CDCA7L: variants seen among roughly 807,000 people sequenced by gnomAD.
CDCA7L encodes the protein cell division cycle associated 7 like, also known as cell division cycle-associated 7-like protein.
In CDCA7L, 44 loss-of-function variants were observed where a neutral mutation model predicts 57.4. The ratio of observed to expected loss-of-function variants is 0.77; its 90% CI spans 0.60 to 0.98. CDCA7L has a LOEUF of 0.98. Among genes scored for constraint, CDCA7L ranks in the 50% least tolerant of loss-of-function variants. The probability of loss-of-function intolerance (pLI) is 0.00; values close to 1 mark genes in which losing one functional copy is unlikely to be tolerated. For synonymous variants in CDCA7L, 236 were observed against 202.8 expected (o/e 1.16, Z -1.39); for missense variants, 644 against 580.6 (o/e 1.11, Z -1.12).
chr7:21,939,125 C>T (rs9638794), intron 1 of CDCA7L, among the ~76,000 whole-genome samples: 22,490 of 152,106 alleles, frequency 0.15, 1,808 homozygotes, highest in East Asian at 0.32. Flanking sequence ...TGATTCCACT[C>T]ATATGAGATA....
chr7:21,908,934 A>C (rs1214475034), intron 3 of CDCA7L, among the ~76,000 whole-genome samples: 1 of 152,192 alleles, frequency 6.6e-6, no homozygotes, highest in East Asian at 1.9e-4. Context: ...GTCTCCTCTA[A>C]ATAGCAGGAA....
intron 1 of CDCA7L, among the ~76,000 whole-genome samples, chr7:21,934,820 A>G (rs2128069015): frequency 6.6e-6 from 1 of 152,322 alleles, no homozygotes; most frequent in Non-Finnish European, 1.5e-5. Context: ...TGAAAGACAA[A>G]GACATTACAG....
At chr7:21,941,682 G>A (rs1786344175) in intron 1 of CDCA7L, among the ~76,000 whole-genome samples, 1 of 152,160 alleles carries the variant, frequency 6.6e-6, no homozygotes, top group African/African-American at 2.4e-5. Flanking sequence ...CAAGTTTCCT[G>A]ACTCACCAAG....
In CDCA7L at chr7:21,940,590, C is replaced by G. The variant is rs185283791; in HGVS notation, c.24+5191G>C. Among the ~76,000 whole-genome samples the G allele has an allele frequency of 2.0e-3, 298 of 152,254 alleles. 1 individual carries two copies. The highest frequency in any genetic ancestry group is 3.5e-3 in the Non-Finnish European group (238 of 68,004). ...GTCAGCCCAGGTACTCCAGAAGTTC[C>G]CAGGGCGAGCACCTGAGCCAGCGGT... On this transcript the variant is annotated intron_variant, in intron 1 of 9. Coordinates refer to ENST00000406877, the MANE Select transcript of CDCA7L (RefSeq NM_018719.5).
intron 4 of CDCA7L, 62 bp from the exon 5 acceptor site, chr7:21,906,701 A>G: frequency 6.7e-7 from 1 of 1,500,924 alleles, no homozygotes; most frequent in Non-Finnish European, 9.3e-7. Context: ...AGGTCATCCA[A>G]CACCTATCTC....
At position 21,911,740 on chromosome 7, in the gene CDCA7L, A is replaced by G. The variant is rs1474097665; in HGVS notation, c.180T>C (p.Phe60=). 1.2e-6 allele frequency: 2 copies of G among 1,612,694 alleles called. No individual in the cohort carries two copies. The highest frequency in any genetic ancestry group is 3.3e-5 in the Admixed American group (2 of 59,708). The change falls in exon 3 of 10, where the codon TTT becomes TTC. Residue 60 remains phenylalanine (F), a synonymous_variant. Coordinates refer to ENST00000406877, the MANE Select transcript of CDCA7L (RefSeq NM_018719.5). The part of the protein sequence containing the change: ...LESGKQQDVR[F]HSKYFTEELR... ...GCTCTTCTGTGAAGTATTTGGAATGAAAGCGCACATCCTGCTAAATTAAAG... is the reference window on the plus strand; with the variant it reads ...GCTCTTCTGTGAAGTATTTGGAATGGAAGCGCACATCCTGCTAAATTAAAG...
chr7:21,917,016 C>A (rs1411437217), intron 1 of CDCA7L, 122 bp from the exon 2 acceptor site: 2 of 1,049,046 alleles, frequency 1.9e-6, no homozygotes, highest in Admixed American at 4.0e-5. Context: ...GCCCAGAAGT[C>A]CCCAGTAACC....
chr7:21,901,249 G>GCGTAAGGTAACACTGGCATTCCT lies in CDCA7L; in HGVS notation c.*1050_*1072dup. ...GGCTGGAGTGGCTCTGCTTCTAGAA[G>GCGTAAGGTAACACTGGCATTCCT]CGTAAGGTAACACTGGCATTCCTCT... is the stretch of plus-strand genomic sequence containing the variant. On this transcript the variant is annotated 3_prime_UTR_variant, in exon 10 of 10. Coordinates refer to ENST00000406877, the MANE Select transcript of CDCA7L (RefSeq NM_018719.5). 1 of 1,603,044 alleles carries GCGTAAGGTAACACTGGCATTCCT rather than the reference G, an allele frequency of 6.2e-7. No individual in the cohort carries two copies.
chr7:21,936,849 A>G (rs1238072518), intron 1 of CDCA7L, among the ~76,000 whole-genome samples: 2 of 152,212 alleles, frequency 1.3e-5, no homozygotes, highest in Admixed American at 6.5e-5. Flanking sequence ...TAACGCATCC[A>G]AATTGGAAAG....
At chr7:21,912,165 GGT>G (rs1430058831) in intron 2 of CDCA7L, among the ~76,000 whole-genome samples, 1 of 152,082 alleles carries the variant, frequency 6.6e-6, no homozygotes, top group Non-Finnish European at 1.5e-5. Flanking sequence ...GGGAGGCTAA[GGT>G]GGGAGGATTA....
At chr7:21,932,714 G>A (rs1477202564) in intron 1 of CDCA7L, among the ~76,000 whole-genome samples, 1 of 152,112 alleles carries the variant, frequency 6.6e-6, no homozygotes, top group East Asian at 1.9e-4. Context: ...AAAAAACCTA[G>A]GCAATACCAT....
chr7:21,922,495 T>C lies in CDCA7L; in HGVS notation c.25-5601A>G, dbSNP rs113153194. 3.3e-3 allele frequency among the ~76,000 whole-genome samples: 503 copies of C among 152,284 alleles called. 4 individuals carry two copies. The highest frequency in any genetic ancestry group is 0.011 in the African/African-American group (445 of 41,562). ...AACATTCCCAGAGAACCTGAGAATC[T>C]GAGTGTTGGTAAGAAACTTCCCATC... On this transcript the variant is annotated intron_variant, in intron 1 of 9. Coordinates refer to ENST00000406877, the MANE Select transcript of CDCA7L (RefSeq NM_018719.5).
At chr7:21,906,698 C>A in intron 4 of CDCA7L, 59 bp from the exon 5 acceptor site, 6 of 1,511,654 alleles carry the variant, frequency 4.0e-6, no homozygotes, top group Non-Finnish European at 5.5e-6. Context: ...TTTAGGTCAT[C>A]CAACACCTAT....
chr7:21,937,796 T>C (rs1361576474), intron 1 of CDCA7L, among the ~76,000 whole-genome samples: 9 of 152,186 alleles, frequency 5.9e-5, no homozygotes, highest in Admixed American at 5.2e-4. Context: ...ATACAAACCC[T>C]TGCATATACA....
chr7:21,930,882 G>T (rs113252384), intron 1 of CDCA7L, among the ~76,000 whole-genome samples: 1,627 of 151,770 alleles, frequency 0.011, 22 homozygotes, highest in African/African-American at 0.037. Flanking sequence ...AAAATAGACC[G>T]CTAGCCAGAC....
At chr7:21,907,369 A>G (rs372324628) in intron 4 of CDCA7L, among the ~76,000 whole-genome samples, 11 of 152,204 alleles carry the variant, frequency 7.2e-5, no homozygotes, top group African/African-American at 2.2e-4. Flanking sequence ...TATTAGACAT[A>G]TAAGCTTGCA....
rs866666863 is a variant in CDCA7L, at chr7:21,906,301, C to T, written c.909G>A (p.Arg303=). 6.3e-7 allele frequency: 1 copy of T among 1,595,956 alleles called. No individual in the cohort carries two copies. The highest frequency in any genetic ancestry group is 8.5e-7 in the Non-Finnish European group (1 of 1,172,488). ...AGTCAGAAAATACCCCAATTGTCTT[C>T]CTTCTTCGGAAGCTGTAAAACTCTT... ...FAEEFYSFRR[R]KTIGGKCREY... Residue 303 remains arginine (R), a synonymous_variant, in exon 6 of 10, where the codon AGG becomes AGA. Coordinates refer to ENST00000406877, the MANE Select transcript of CDCA7L (RefSeq NM_018719.5).
At chr7:21,907,422 T>C (rs191305130) in intron 4 of CDCA7L, among the ~76,000 whole-genome samples, 93 of 152,044 alleles carry the variant, frequency 6.1e-4, no homozygotes, top group African/African-American at 2.0e-3. Flanking sequence ...AAGGAAAAGA[T>C]TAAAAAATTA....
At position 21,901,474 on chromosome 7, in the gene CDCA7L, T is replaced by TAGGAGAATC. The variant is rs1473248022; in HGVS notation, c.*839_*847dup. ...ACTGTAATCCCAGTTACTCAGGAGG[T>TAGGAGAATC]AGGAGAATCACTTGAACCTAGGAGG... On this transcript the variant is annotated 3_prime_UTR_variant, in exon 10 of 10. Transcript: ENST00000406877. 4 of 511,394 alleles carry TAGGAGAATC rather than the reference T, an allele frequency of 7.8e-6. No individual in the cohort carries two copies. The highest frequency in any genetic ancestry group is 8.7e-6 in the Non-Finnish European group (3 of 343,070). The allele number at this position is 511,394 out of a possible 1,614,324, so 31.7% of individuals were successfully genotyped here. A position where few individuals can be genotyped will look rare whatever the true frequency, so the allele number is the denominator to read the frequency against.
Sources: gnomAD v4.1 joint callset for allele counts (sites outside exome capture counted in the v4.1 genomes callset) on GRCh38, gnomAD v4.1.1 for gene constraint, MANE v1.5 for transcripts, NCBI Gene and HGNC (gene_info 2026-07-23, HGNC 2026-07-21) for gene names.